The following FARS2 variants were observed in gnomAD, a reference collection of about 807,000 sequenced individuals.
The protein encoded by FARS2 is phenylalanine--tRNA ligase, mitochondrial.
Under a neutral mutation model 46.4 loss-of-function variants are expected in FARS2, and 40 were observed. That is an observed-to-expected ratio of 0.86 (90% CI 0.67 to 1.12). The LOEUF is 1.12. Among genes scored for constraint, FARS2 ranks in the 50% most tolerant of loss-of-function variants. The probability of loss-of-function intolerance (pLI) is 0.00; values close to 1 mark genes in which losing one functional copy is unlikely to be tolerated. For missense variants in FARS2, 513 were observed against 567.9 expected (o/e 0.90, Z 0.98); for synonymous variants, 234 against 214.9 (o/e 1.09, Z -0.78).
chr6:5,255,035 C>T, the FARS2 span, among the ~76,000 whole-genome samples: 1 of 152,172 alleles, frequency 6.6e-6, no homozygotes, highest in East Asian at 1.9e-4. Flanking sequence ...ACATTGCCCT[C>T]TTTATGAACT....
At chr6:5,546,218 T>C (rs2150503411) in intron 5 of FARS2, among the ~76,000 whole-genome samples, 1 of 151,642 alleles carries the variant, frequency 6.6e-6, no homozygotes, top group East Asian at 1.9e-4. Context: ...AAGATATTTG[T>C]CAATATTATT....
At chr6:5,674,461 C>CTTTACAG (rs1778653714) in intron 6 of FARS2, among the ~76,000 whole-genome samples, 1 of 152,146 alleles carries the variant, frequency 6.6e-6, no homozygotes, top group African/African-American at 2.4e-5. Context: ...GTAAAGGCCA[C>CTTTACAG]TGGGAATCGG....
At chr6:5,387,297 A>G (rs777135157) in intron 2 of FARS2, among the ~76,000 whole-genome samples, 15 of 152,206 alleles carry the variant, frequency 9.9e-5, no homozygotes, top group Admixed American at 6.5e-5. Context: ...ATGGATTAGT[A>G]ACACCTGCCG....
intron 3 of FARS2, among the ~76,000 whole-genome samples, chr6:5,426,606 T>TA (rs1361401521): frequency 2.0e-5 from 3 of 152,206 alleles, no homozygotes; most frequent in Admixed American, 6.5e-5. Context: ...AAATCTCTGT[T>TA]AATGTGTCAA....
At chr6:5,603,973 A>C (rs1393058556) in intron 5 of FARS2, among the ~76,000 whole-genome samples, 3 of 152,172 alleles carry the variant, frequency 2.0e-5, no homozygotes, top group African/African-American at 7.2e-5. Context: ...TACCATTCCA[A>C]GGAGGGAAGC....
At chr6:5,725,934 C>CTAAA (rs1468492007) in intron 6 of FARS2, among the ~76,000 whole-genome samples, 6 of 152,082 alleles carry the variant, frequency 3.9e-5, no homozygotes, top group African/African-American at 1.4e-4. Flanking sequence ...GACTCTGCCT[C>CTAAA]TAAATAAATA....
At chr6:5,319,159 TTGTTATAC>T (rs1296947144) in intron 1 of FARS2, among the ~76,000 whole-genome samples, 1 of 152,026 alleles carries the variant, frequency 6.6e-6, no homozygotes, top group Non-Finnish European at 1.5e-5. Flanking sequence ...AGTCAGGAAG[TTGTTATAC>T]TGTCTCTCTA....
intron 5 of FARS2, among the ~76,000 whole-genome samples, chr6:5,584,077 C>A (rs1285559416): frequency 7.9e-6 from 1 of 126,112 alleles, no homozygotes; most frequent in African/African-American, 3.3e-5. Flanking sequence ...TAGCTAGCTC[C>A]CCCCGACATT....
chr6:5,757,884 T>C (rs1762289821), intron 6 of FARS2, among the ~76,000 whole-genome samples: 1 of 152,236 alleles, frequency 6.6e-6, no homozygotes, highest in South Asian at 2.1e-4. Context: ...TCTTCAATTT[T>C]ACCAACACTG....
rs142858792 is a variant in FARS2, at chr6:5,277,516, CA to C, written c.-22+15857del. ...TACAAGTTCAGCTGCAAAGAAAATG[CA>C]GTAAAACTTGGTAAAGTTAAGGAAT... On this transcript the variant is annotated intron_variant, in intron 1 of 6. Coordinates refer to ENST00000274680, the MANE Select transcript of FARS2 (RefSeq NM_006567.5). 4.9e-3 allele frequency among the ~76,000 whole-genome samples: 738 copies of C among 152,098 alleles called. 20 individuals carry two copies. The highest frequency in any genetic ancestry group is 0.037 in the Admixed American group (572 of 15,282).
intron 4 of FARS2, among the ~76,000 whole-genome samples, chr6:5,498,410 G>A (rs771068037): frequency 2.6e-5 from 4 of 151,992 alleles, no homozygotes; most frequent in Admixed American, 6.6e-5. Context: ...GAATCAGATC[G>A]GCCAAGTTAA....
intron 4 of FARS2, among the ~76,000 whole-genome samples, chr6:5,539,394 A>ATATATATATATATATATATATATATATG (rs1770451679): frequency 1.4e-5 from 2 of 140,556 alleles, no homozygotes. Flanking sequence ...GTATATATAT[A>ATATATATATATATATATATATATATATG]TATATGTATA....
intron 2 of FARS2, among the ~76,000 whole-genome samples, chr6:5,400,012 C>G (rs1380354196): frequency 1.3e-5 from 2 of 152,108 alleles, no homozygotes; most frequent in African/African-American, 4.8e-5. Context: ...AAGAGATCAA[C>G]AAATATGTAG....
At chr6:5,478,855 C>T (rs1156665675) in intron 4 of FARS2, among the ~76,000 whole-genome samples, 1 of 152,178 alleles carries the variant, frequency 6.6e-6, no homozygotes, top group Non-Finnish European at 1.5e-5. Context: ...GTTATTCTCC[C>T]TCTGAGCCAA....
chr6:5,315,718 C>T (rs956265317), intron 1 of FARS2, among the ~76,000 whole-genome samples: 2 of 140,600 alleles, frequency 1.4e-5, no homozygotes, highest in African/African-American at 5.4e-5. Flanking sequence ...ATTGATTTCT[C>T]TTTCTTTCTT....
chr6:5,326,617 G>A (rs1454540829), intron 1 of FARS2, among the ~76,000 whole-genome samples: 4 of 152,158 alleles, frequency 2.6e-5, no homozygotes, highest in Non-Finnish European at 4.4e-5. Context: ...TTAAAGCTTC[G>A]AGTTCCAGGA....
chr6:5,656,708 A>C (rs1262470843), intron 6 of FARS2, among the ~76,000 whole-genome samples: 13 of 151,994 alleles, frequency 8.6e-5, no homozygotes, highest in Non-Finnish European at 1.5e-4. Context: ...ATACTACCAC[A>C]CCCAGCTAAT....
chr6:5,710,042 C>T (rs557168707), intron 6 of FARS2, among the ~76,000 whole-genome samples: 5 of 152,292 alleles, frequency 3.3e-5, no homozygotes, highest in South Asian at 2.1e-4. Flanking sequence ...TGCTGGCCAA[C>T]GCAGACCCTT....
chr6:5,259,747 T>C (rs965714028), upstream of FARS2, among the ~76,000 whole-genome samples: 5 of 152,130 alleles, frequency 3.3e-5, no homozygotes, highest in African/African-American at 1.2e-4. Context: ...TCCAACCAGA[T>C]TCTTTCTCAT....
Sources: gnomAD v4.1 joint callset for allele counts (sites outside exome capture counted in the v4.1 genomes callset) on GRCh38, gnomAD v4.1.1 for gene constraint, MANE v1.5 for transcripts, NCBI Gene and HGNC (gene_info 2026-07-23, HGNC 2026-07-21) for gene names.